Variants in ASAH2 observed in about 807,000 individuals in gnomAD.
The protein encoded by ASAH2 is N-acylsphingosine amidohydrolase 2.
A neutral mutation model predicts 82.9 loss-of-function variants in ASAH2; 58 were observed. That is an observed-to-expected ratio of 0.70 (90% CI 0.57 to 0.87). The LOEUF (loss-of-function observed/expected upper bound fraction) is 0.87, where lower values mean the gene tolerates loss of function less well. Among genes scored for constraint, ASAH2 ranks in the 40% least tolerant of loss-of-function variants. The pLI, the probability that ASAH2 is intolerant of heterozygous loss-of-function variation, is 0.00. For synonymous variants in ASAH2, 276 were observed against 289.7 expected, an observed-to-expected ratio of 0.95 and a Z score of 0.48; for missense variants, 779 against 834.0, an observed-to-expected ratio of 0.93 and a Z score of 0.81.
Position 50,214,823 on chromosome 10 carries a change from A to G in ASAH2, c.1060T>C (p.Ser354Pro). The G allele has an allele frequency of 1.9e-6, 3 of 1,613,744 alleles. No individual in the cohort carries two copies. Among genetic ancestry groups the G allele is most frequent in the South Asian group, 1.1e-5 (1 of 91,064 alleles). Residue 354 changes from serine (S) to proline (P), a missense_variant, in exon 9 of 21, where the codon TCC (serine) becomes CCC (proline). Physicochemically the swap from Ser to Pro is moderately conservative, Grantham distance 74. Coordinates refer to ENST00000682911, the MANE Select transcript of ASAH2 (RefSeq NM_019893.4). ...AFASSNLGDV[S>P]PNILGPRCIN... is the part of the protein sequence containing the mutation. ...CAACGTGGTCCAAGAATGTTGGGGG[A>G]CACATCTCCTAGGTTTGATGAAGCA...
At chr10:50,209,811 GA>G (rs1160853746) in intron 12 of ASAH2, among the ~76,000 whole-genome samples, 4 of 152,044 alleles carry the variant, frequency 2.6e-5, no homozygotes, top group Non-Finnish European at 5.9e-5. Context: ...AATTATTAGG[GA>G]AATGCAAATC....
At chr10:50,233,076 A>G (rs1846058216) in intron 7 of ASAH2, 108 bp downstream of exon 7, 2 of 942,588 alleles carry the variant, frequency 2.1e-6, no homozygotes, top group Non-Finnish European at 3.5e-6. Context: ...ACTCTTAACC[A>G]CACAACTTAT....
In ASAH2 at chr10:50,248,663, C is replaced by A. The variant is rs1355893409; in HGVS notation, c.-36-17G>T. ...GAAGAAATACTGAAGAGGAAGAAAT[C>A]ACAAATTAAAATGCAAATGCTTTAA... On this transcript the variant is annotated splice_polypyrimidine_tract_variant and intron_variant, in intron 1 of 20. Transcript: ENST00000682911. The A allele has an allele frequency of 6.4e-7, 1 of 1,569,520 alleles. No individual in the cohort carries two copies. The highest frequency in any genetic ancestry group is 2.3e-5 in the East Asian group (1 of 44,138).
intron 12 of ASAH2, among the ~76,000 whole-genome samples, chr10:50,208,199 T>C (rs1323453752): frequency 6.6e-6 from 1 of 151,992 alleles, no homozygotes; most frequent in Non-Finnish European, 1.5e-5. Context: ...GCTAACATTA[T>C]AGTTAATGAT....
intron 2 of ASAH2, among the ~76,000 whole-genome samples, chr10:50,247,914 TTC>T (rs1846511856): frequency 6.6e-6 from 1 of 152,210 alleles, no homozygotes; most frequent in South Asian, 2.1e-4. Flanking sequence ...AGATCATGTG[TTC>T]TCTCTACAAC....
chr10:50,195,053 A>G (rs1446603160), intron 18 of ASAH2, among the ~76,000 whole-genome samples: 1 of 151,344 alleles, frequency 6.6e-6, no homozygotes, highest in African/African-American at 2.4e-5. Flanking sequence ...ATATTACATC[A>G]AACTAAACAG....
chr10:50,198,240 C>T (rs542186739), intron 17 of ASAH2: 87 of 151,570 alleles, frequency 5.7e-4, no homozygotes, highest in African/African-American at 2.1e-3. Flanking sequence ...CTGAGGCTTA[C>T]ATATTATTAT....
chr10:50,223,772 C>A (rs990710001), intron 7 of ASAH2, among the ~76,000 whole-genome samples: 4 of 152,008 alleles, frequency 2.6e-5, no homozygotes, highest in Non-Finnish European at 1.5e-5. Context: ...TGACTAGCAT[C>A]GTTACAAGAG....
chr10:50,215,652 G>T (rs1845572669), intron 8 of ASAH2, among the ~76,000 whole-genome samples: 2 of 152,048 alleles, frequency 1.3e-5, no homozygotes, highest in Non-Finnish European at 1.5e-5. Flanking sequence ...CTGTTCCAAT[G>T]GTCTATATGT....
chr10:50,220,488 G>A (rs1297982953), intron 7 of ASAH2, among the ~76,000 whole-genome samples: 3 of 17,838 alleles, frequency 1.7e-4, no homozygotes, highest in African/African-American at 1.9e-4. Context: ...AACATAGATG[G>A]AGCTGGAGGC....
intron 12 of ASAH2, among the ~76,000 whole-genome samples, chr10:50,206,629 G>T (rs1373085929): frequency 6.7e-6 from 1 of 150,248 alleles, no homozygotes; most frequent in African/African-American, 2.4e-5. Flanking sequence ...GGGGTAAAAG[G>T]TTTTGTAACT....
intron 7 of ASAH2, among the ~76,000 whole-genome samples, chr10:50,223,260 T>A (rs1412618947): frequency 1.3e-5 from 2 of 152,180 alleles, no homozygotes; most frequent in Non-Finnish European, 2.9e-5. Context: ...TCTCTAGTGA[T>A]TCAGACATTG....
At chr10:50,221,604 A>T (rs1845744589) in intron 7 of ASAH2, among the ~76,000 whole-genome samples, 1 of 151,640 alleles carries the variant, frequency 6.6e-6, no homozygotes, top group Admixed American at 6.6e-5. Flanking sequence ...TGGTAAGTCA[A>T]GAAGCAGAGC....
rs747695118 is a variant in ASAH2 at position 50,234,429 on chromosome 10, C to T, written c.811G>A (p.Ala271Thr). 52 of 1,612,890 alleles carry T rather than the reference C, an allele frequency of 3.2e-5. No homozygotes were observed. Among genetic ancestry groups the T allele is most frequent in the Non-Finnish European group, 4.2e-5 (49 of 1,179,210 alleles). ...SYLQNPQSER[A>T]RYSSNTDKEM... ...ATTTTGACGATTCCTCCTCACCTTG[C>T]TCTCTCTGACTGCGGATTTTGAAGG... The change falls in exon 6 of 21, where the codon GCA (alanine) becomes ACA (threonine). Residue 271 changes from alanine to threonine, a missense_variant. Physicochemically the swap from Ala to Thr is moderately conservative, Grantham distance 58 (BLOSUM62 0). Transcript: ENST00000682911.
chr10:50,201,540 G>A (rs947693877), intron 16 of ASAH2, among the ~76,000 whole-genome samples: 23 of 152,166 alleles, frequency 1.5e-4, no homozygotes, highest in African/African-American at 5.5e-4. Flanking sequence ...CCAAACAGAT[G>A]AGCCACACCC....
intron 9 of ASAH2, among the ~76,000 whole-genome samples, chr10:50,214,168 G>T (rs918526401): frequency 0.75 from 114,313 of 151,576 alleles, 45,348 homozygotes; most frequent in Non-Finnish European, 0.88. Flanking sequence ...ATATAATGTT[G>T]TTTATGAATG....
At chr10:50,203,602 C>A in intron 15 of ASAH2, 38 bp downstream of exon 15, 2 of 1,192,826 alleles carry the variant, frequency 1.7e-6, no homozygotes, top group East Asian at 2.5e-5. Context: ...CTTCACCAAA[C>A]ATGAACATGT....
chr10:50,200,515 A>G (rs1295911468), intron 16 of ASAH2, among the ~76,000 whole-genome samples: 1 of 152,038 alleles, frequency 6.6e-6, no homozygotes, highest in Non-Finnish European at 1.5e-5. Flanking sequence ...GAACTCATAC[A>G]GATGTTACAT....
intron 11 of ASAH2, 47 bp downstream of exon 11, chr10:50,210,982 CA>C (rs1206663195): frequency 1.9e-6 from 3 of 1,600,604 alleles, no homozygotes; most frequent in Non-Finnish European, 2.6e-6. Flanking sequence ...GAGATCAAAC[CA>C]AAACTTCACC....
Sources: allele counts gnomAD v4.1 joint callset (sites outside exome capture counted in the v4.1 genomes callset), GRCh38; gene constraint gnomAD v4.1.1; transcripts MANE v1.5; gene names NCBI Gene and HGNC (gene_info 2026-07-23, HGNC 2026-07-21).